MBTPS1: variants seen among roughly 807,000 people sequenced by gnomAD.
MBTPS1 encodes membrane bound transcription factor peptidase, site 1.
MBTPS1 carries 94 observed loss-of-function variants against 127.8 expected under a neutral mutation model. The observed-to-expected ratio is 0.74, with a 90% CI of 0.62 to 0.87. The LOEUF (loss-of-function observed/expected upper bound fraction) is 0.87, where lower values mean the gene tolerates loss of function less well. MBTPS1 is among the 40% of genes least tolerant of loss of function. The probability of loss-of-function intolerance (pLI) is 0.00; values close to 1 mark genes in which losing one functional copy is unlikely to be tolerated. For synonymous variants in MBTPS1, 632 were observed against 509.4 expected (o/e 1.24, Z -3.24); for missense variants, 1,636 against 1,353.2 (o/e 1.21, Z -3.28).
rs1026521471 is a variant in MBTPS1 at position 84,093,672 on chromosome 16, C to G, written c.736+39G>C. On this transcript the variant is annotated intron_variant, in intron 5 of 22. Transcript: ENST00000343411. ...ATCATGCACTAAACACACTCTCAGT[C>G]GATCACATGACCACGTTCTCACTGC... 3 of 1,340,896 alleles carry G rather than the reference C, an allele frequency of 2.2e-6. No individual in the cohort carries two copies. In the Admixed American group the frequency reaches 5.1e-5, roughly 23 times the overall value. The allele number at this position is 1,340,896 out of a possible 1,614,324, so 83.1% of individuals were successfully genotyped here.
chr16:84,106,600 G>A (rs1478848316), intron 1 of MBTPS1, among the ~76,000 whole-genome samples: 1 of 152,220 alleles, frequency 6.6e-6, no homozygotes, highest in African/African-American at 2.4e-5. Flanking sequence ...GAAACCGGGA[G>A]ACAGCCCAGG....
At chr16:84,056,201 G>T in intron 21 of MBTPS1, 66 bp from the exon 22 acceptor site, 1 of 1,361,142 alleles carries the variant, frequency 7.3e-7, no homozygotes, top group Non-Finnish European at 1.0e-6. Context: ...ACTAGTCTAG[G>T]AAGTTCAACT....
intron 3 of MBTPS1, among the ~76,000 whole-genome samples, chr16:84,097,959 T>C (rs1049089188): frequency 6.6e-6 from 1 of 152,116 alleles, no homozygotes; most frequent in Non-Finnish European, 1.5e-5. Flanking sequence ...TAATTTCTTC[T>C]TCCTTCTGAT....
At chr16:84,070,150 A>T (rs2085749608) in intron 13 of MBTPS1, 112 bp from the exon 14 acceptor site, 2 of 879,584 alleles carry the variant, frequency 2.3e-6, no homozygotes, top group Admixed American at 5.8e-5. Flanking sequence ...TGAACACAAG[A>T]ATTTCCAATA....
chr16:84,108,520 G>C (rs1485241242), intron 1 of MBTPS1, among the ~76,000 whole-genome samples: 1 of 152,208 alleles, frequency 6.6e-6, no homozygotes, highest in African/African-American at 2.4e-5. Flanking sequence ...ACCTGCCTCA[G>C]CCTCCCAAAG....
intron 1 of MBTPS1, among the ~76,000 whole-genome samples, chr16:84,111,465 C>T (rs548639143): frequency 1.3e-5 from 2 of 151,760 alleles, no homozygotes; most frequent in East Asian, 3.9e-4. Flanking sequence ...CACTTGAACC[C>T]GGGAGGCAGA....
At chr16:84,103,387 T>C (rs1250181235) in intron 1 of MBTPS1, among the ~76,000 whole-genome samples, 5 of 151,582 alleles carry the variant, frequency 3.3e-5, no homozygotes, top group Non-Finnish European at 7.4e-5. Flanking sequence ...GCCTCCCGAG[T>C]AGCTGGGACT....
At chr16:84,114,742 A>C (rs1440378975) in intron 1 of MBTPS1, among the ~76,000 whole-genome samples, 1 of 151,246 alleles carries the variant, frequency 6.6e-6, no homozygotes, top group East Asian at 2.0e-4. Context: ...AGGCAGGAGA[A>C]TCGCTTGAAC....
At chr16:84,078,170 C>T (rs946915346) in intron 11 of MBTPS1, among the ~76,000 whole-genome samples, 3 of 152,228 alleles carry the variant, frequency 2.0e-5, no homozygotes, top group Non-Finnish European at 2.9e-5. Flanking sequence ...AACAGAGCTA[C>T]CCGATGCTCT....
intron 11 of MBTPS1, among the ~76,000 whole-genome samples, chr16:84,078,318 CG>C (rs2085891041): frequency 6.9e-6 from 1 of 145,520 alleles, no homozygotes; most frequent in African/African-American, 2.6e-5. Flanking sequence ...CAGAGCTACC[CG>C]ATGCTCTCAA....
Position 84,085,155 on chromosome 16 carries a change from G to A in MBTPS1, c.1135-21C>T, listed in dbSNP as rs755047997. 3.1e-6 allele frequency: 5 copies of A among 1,612,916 alleles called. 1 individual carries two copies. The South Asian group carries it at 5.5e-5, about 18-fold the overall frequency. ...AGCTCCTATGAATAAAAGCAGCTTG[G>A]TTGCTACATCTCGCACATTGGCATA... On this transcript the variant is annotated intron_variant, in intron 9 of 22. Transcript: ENST00000343411.
intron 4 of MBTPS1, among the ~76,000 whole-genome samples, chr16:84,095,025 G>A (rs2086160242): frequency 2.0e-5 from 3 of 152,192 alleles, no homozygotes; most frequent in Admixed American, 2.0e-4. Context: ...TGATGAATCA[G>A]CAAGGGAAAA....
intron 3 of MBTPS1, 35 bp downstream of exon 3, chr16:84,099,018 G>GCA (rs1295027106): frequency 4.1e-6 from 6 of 1,462,942 alleles, no homozygotes; most frequent in South Asian, 2.3e-5. Context: ...AAAGTAAACA[G>GCA]CAGAGAGAAA....
At chr16:84,107,703 G>A (rs2086343151) in intron 1 of MBTPS1, among the ~76,000 whole-genome samples, 1 of 117,504 alleles carries the variant, frequency 8.5e-6, no homozygotes, top group Non-Finnish European at 1.6e-5. Flanking sequence ...CGAACTCCTG[G>A]GCCTATTTTT....
intron 11 of MBTPS1, among the ~76,000 whole-genome samples, chr16:84,077,914 A>G (rs1022268097): frequency 6.7e-6 from 1 of 149,440 alleles, no homozygotes; most frequent in Admixed American, 6.8e-5. Context: ...AGAAATGAAC[A>G]GACAATTCAC....
intron 14 of MBTPS1, 98 bp from the exon 15 acceptor site, chr16:84,068,552 T>G: frequency 1.2e-6 from 1 of 814,024 alleles, no homozygotes. Flanking sequence ...CACCATGCCA[T>G]GGCCCACAGA....
chr16:84,072,739 G>A (rs1027798228), intron 12 of MBTPS1, among the ~76,000 whole-genome samples: 1 of 152,166 alleles, frequency 6.6e-6, no homozygotes, highest in African/African-American at 2.4e-5. Context: ...GCAGTGAGCC[G>A]AGATCGTGCC....
intron 1 of MBTPS1, among the ~76,000 whole-genome samples, chr16:84,112,495 T>G (rs1266318597): frequency 6.7e-6 from 1 of 150,248 alleles, no homozygotes. Flanking sequence ...CCGTTTCCAC[T>G]AAAAAATACA....
At chr16:84,104,445 A>G (rs933909599) in intron 1 of MBTPS1, among the ~76,000 whole-genome samples, 6 of 152,288 alleles carry the variant, frequency 3.9e-5, no homozygotes, top group African/African-American at 1.2e-4. Flanking sequence ...CCTGGGTGAC[A>G]CAGTGAGACT....
Sources: gnomAD v4.1 joint callset for allele counts (sites outside exome capture counted in the v4.1 genomes callset) on GRCh38, gnomAD v4.1.1 for gene constraint, MANE v1.5 for transcripts, NCBI Gene and HGNC (gene_info 2026-07-23, HGNC 2026-07-21) for gene names.